The following FAM110B variants were observed in gnomAD, a reference collection of about 807,000 sequenced individuals.
FAM110B encodes protein FAM110B.
A neutral mutation model predicts 20.4 loss-of-function variants in FAM110B; 6 were observed. The observed-to-expected ratio is 0.29, with a 90% CI of 0.16 to 0.58. The LOEUF is 0.58. Among genes scored for constraint, FAM110B ranks in the 20% least tolerant of loss-of-function variants. The probability of loss-of-function intolerance (pLI) is 0.90; values close to 1 mark genes in which losing one functional copy is unlikely to be tolerated. For missense variants in FAM110B, 434 were observed against 498.2 expected (o/e 0.87, Z 1.23); for synonymous variants, 226 against 214.1 (o/e 1.06, Z -0.49).
At chr8:58,112,644 A>G (rs1807088346) in intron 3 of FAM110B, among the ~76,000 whole-genome samples, 1 of 152,174 alleles carries the variant, frequency 6.6e-6, no homozygotes, top group Admixed American at 6.5e-5. Context: ...ACTTTGTTGG[A>G]ATATAGCTTG....
chr8:58,033,888 G>T (rs372386544), intron 2 of FAM110B, among the ~76,000 whole-genome samples: 59 of 152,286 alleles, frequency 3.9e-4, no homozygotes, highest in Middle Eastern at 6.8e-3. Flanking sequence ...CTCCTGGGAT[G>T]CCAGAGCATT....
chr8:58,124,879 G>T (rs868670509), intron 3 of FAM110B, among the ~76,000 whole-genome samples: 1 of 152,166 alleles, frequency 6.6e-6, no homozygotes, highest in African/African-American at 2.4e-5. Flanking sequence ...AAAGAAAAAT[G>T]ATTCTTTTTA....
At chr8:58,050,135 G>A (rs1805410340) in intron 2 of FAM110B, among the ~76,000 whole-genome samples, 1 of 151,948 alleles carries the variant, frequency 6.6e-6, no homozygotes, top group Non-Finnish European at 1.5e-5. Flanking sequence ...TTAAGGATTT[G>A]TATATTCTGC....
At chr8:58,105,715 C>T (rs919088176) in intron 3 of FAM110B, among the ~76,000 whole-genome samples, 4 of 151,466 alleles carry the variant, frequency 2.6e-5, no homozygotes, top group Non-Finnish European at 5.9e-5. Context: ...ACTACAGGCA[C>T]CCACCACCAT....
intron 1 of FAM110B, among the ~76,000 whole-genome samples, chr8:58,013,351 A>G (rs1353010911): frequency 6.6e-6 from 1 of 152,178 alleles, no homozygotes; most frequent in Non-Finnish European, 1.5e-5. Context: ...GGCACACATC[A>G]GGGGCTTATG....
intron 1 of FAM110B, among the ~76,000 whole-genome samples, chr8:57,996,898 A>G (rs1455555628): frequency 1.3e-5 from 2 of 152,236 alleles, no homozygotes; most frequent in African/African-American, 4.8e-5. Context: ...TAGCCTAACT[A>G]GCTAAGATAA....
At chr8:58,029,119 A>G (rs866260974) in intron 1 of FAM110B, among the ~76,000 whole-genome samples, 3 of 152,210 alleles carry the variant, frequency 2.0e-5, no homozygotes, top group Non-Finnish European at 4.4e-5. Flanking sequence ...AGTGCTCTGC[A>G]GTGATTCTAG....
intron 3 of FAM110B, among the ~76,000 whole-genome samples, chr8:58,085,646 A>G (rs886361188): frequency 6.6e-6 from 1 of 152,230 alleles, no homozygotes; most frequent in Non-Finnish European, 1.5e-5. Flanking sequence ...AGTATAAGGA[A>G]TGCTGGAATA....
intron 2 of FAM110B, among the ~76,000 whole-genome samples, chr8:58,075,079 CT>C (rs566485535): frequency 1.2e-4 from 18 of 147,588 alleles, no homozygotes; most frequent in Middle Eastern, 3.4e-3. Context: ...TGTTTGCTGT[CT>C]TTTTTTTTTA....
intron 2 of FAM110B, among the ~76,000 whole-genome samples, chr8:58,036,058 G>A (rs1351237241): frequency 1.3e-5 from 2 of 152,190 alleles, no homozygotes; most frequent in African/African-American, 2.4e-5. Context: ...TGTTTCTGCA[G>A]TGGTGACTTG....
intron 1 of FAM110B, among the ~76,000 whole-genome samples, chr8:57,998,545 G>A (rs997636351): frequency 2.6e-5 from 4 of 152,126 alleles, no homozygotes; most frequent in Non-Finnish European, 5.9e-5. Flanking sequence ...ATTTTTTAAT[G>A]TTGATTTTTT....
At chr8:58,089,083 G>A (rs1047830247) in intron 3 of FAM110B, among the ~76,000 whole-genome samples, 5 of 152,162 alleles carry the variant, frequency 3.3e-5, no homozygotes, top group Admixed American at 6.6e-5. Context: ...CAGATGAATG[G>A]TTTTATTTCA....
At chr8:58,022,500 TAAA>T (rs1327841879) in intron 1 of FAM110B, among the ~76,000 whole-genome samples, 1 of 152,180 alleles carries the variant, frequency 6.6e-6, no homozygotes, top group African/African-American at 2.4e-5. Flanking sequence ...ACTGTATACT[TAAA>T]AATGGTTAAG....
At chr8:58,132,830 G>A (rs898152891) in intron 3 of FAM110B, among the ~76,000 whole-genome samples, 4 of 152,164 alleles carry the variant, frequency 2.6e-5, no homozygotes, top group Non-Finnish European at 5.9e-5. Flanking sequence ...TTGTTAAAAC[G>A]TAGGAGAAAA....
chr8:58,041,147 G>A (rs1805210296), intron 2 of FAM110B, among the ~76,000 whole-genome samples: 1 of 151,886 alleles, frequency 6.6e-6, no homozygotes, highest in African/African-American at 2.4e-5. Flanking sequence ...CCCCATGTTG[G>A]CCAGGCTGGT....
intron 1 of FAM110B, among the ~76,000 whole-genome samples, chr8:57,999,258 A>G (rs1804247083): frequency 6.6e-6 from 1 of 152,222 alleles, no homozygotes. Flanking sequence ...CATTTGGTAG[A>G]CAGGTTTCTG....
intron 1 of FAM110B, among the ~76,000 whole-genome samples, chr8:58,009,849 CTG>C: frequency 6.6e-6 from 1 of 152,298 alleles, no homozygotes; most frequent in East Asian, 1.9e-4. Flanking sequence ...TCATGCCAAA[CTG>C]ACCTCATTTT....
chr8:58,038,542 A>G (rs1292832376), intron 2 of FAM110B, among the ~76,000 whole-genome samples: 1 of 152,224 alleles, frequency 6.6e-6, no homozygotes, highest in African/African-American at 2.4e-5. Flanking sequence ...ACTTGAGGTC[A>G]GGAGTTTGAG....
intron 2 of FAM110B, among the ~76,000 whole-genome samples, chr8:58,063,560 T>C (rs886786495): frequency 6.6e-6 from 1 of 152,230 alleles, no homozygotes; most frequent in Non-Finnish European, 1.5e-5. Flanking sequence ...TGAGCATCCC[T>C]AATCTAAAAA....
Sources: gnomAD v4.1 joint callset for allele counts (sites outside exome capture counted in the v4.1 genomes callset) on GRCh38, gnomAD v4.1.1 for gene constraint, MANE v1.5 for transcripts, NCBI Gene and HGNC (gene_info 2026-07-23, HGNC 2026-07-21) for gene names.